Variants in BICRAL observed in about 807,000 individuals in gnomAD.
The protein encoded by BICRAL is BRD4-interacting chromatin-remodeling complex-associated protein-like.
Under a neutral mutation model 91.8 loss-of-function variants are expected in BICRAL, and 8 were observed. The observed-to-expected ratio is 0.09, with a 90% CI of 0.05 to 0.16. BICRAL has a LOEUF of 0.16. Ranked by LOEUF, BICRAL falls within the 10% of genes least tolerant of loss-of-function variation. The pLI, the probability that BICRAL is intolerant of heterozygous loss-of-function variation, is 1.00. For missense variants in BICRAL, 1,038 were observed against 1,310.9 expected, an observed-to-expected ratio of 0.79 and a Z score of 3.21; for synonymous variants, 445 against 491.1, an observed-to-expected ratio of 0.91 and a Z score of 1.24.
chr6:42,829,152 A>G lies in BICRAL; in HGVS notation c.819A>G (p.Pro273=). 1 of 1,614,124 alleles carries G rather than the reference A, an allele frequency of 6.2e-7. No individual in the cohort carries two copies. Residue 273 remains proline (P), a synonymous_variant, in exon 6 of 13, where the codon CCA becomes CCG. Coordinates refer to ENST00000314073, the MANE Select transcript of BICRAL (RefSeq NM_001393499.1). ...NSLFGNSSSS[P]VAQPVTVPFN... ...TGTTTGGGAACTCTAGTTCCAGTCC[A>G]GTAGCACAGCCTGTTACCGTTCCAT... is the stretch of plus-strand genomic sequence containing the variant.
chr6:42,755,313 G>C (rs1004055412), intron 1 of BICRAL, among the ~76,000 whole-genome samples: 15 of 152,120 alleles, frequency 9.9e-5, no homozygotes, highest in African/African-American at 3.4e-4. Context: ...AGGTCAGAGG[G>C]GAAAAGCTCA....
chr6:42,850,393 G>A (rs1967461), intron 6 of BICRAL, among the ~76,000 whole-genome samples: 53,264 of 151,484 alleles, frequency 0.35, 9,633 homozygotes, highest in South Asian at 0.48. Context: ...GGTGGTGGGC[G>A]CCTGTAATCC....
chr6:42,823,151 G>T, intron 5 of BICRAL, 148 bp downstream of exon 5: 2 of 569,330 alleles, frequency 3.5e-6, no homozygotes, highest in Non-Finnish European at 6.2e-6. Context: ...TTTGAGATGG[G>T]GCCTCACTCT....
intron 6 of BICRAL, among the ~76,000 whole-genome samples, chr6:42,851,725 C>G (rs957941736): frequency 6.6e-6 from 1 of 152,142 alleles, no homozygotes. Flanking sequence ...CACATAGGAG[C>G]TGATAGTCAG....
chr6:42,861,616 G>T (rs1442566926), intron 11 of BICRAL, among the ~76,000 whole-genome samples: 1 of 152,162 alleles, frequency 6.6e-6, no homozygotes, highest in African/African-American at 2.4e-5. Flanking sequence ...TTGGGAGATT[G>T]GTTGAGCTAT....
chr6:42,864,561 G>A, intron 12 of BICRAL, 98 bp from the exon 13 acceptor site: 1 of 895,582 alleles, frequency 1.1e-6, no homozygotes. Context: ...CTGTGAGTGG[G>A]GCTGGCTTTG....
rs770090505 is a variant in BICRAL at position 42,865,365 on chromosome 6, G to C, written c.3159G>C (p.Lys1053Asn). 1.9e-6 allele frequency: 3 copies of C among 1,613,808 alleles called. No homozygotes were observed. Among genetic ancestry groups the C allele is most frequent in the South Asian group, 1.1e-5 (1 of 91,078 alleles). Residue 1053 changes from lysine to asparagine, a missense_variant, in exon 13 of 13, where the codon AAG (lysine) becomes AAC (asparagine). By Grantham distance (94) the Lys-to-Asn change is moderately conservative. Transcript: ENST00000314073. ...PMASQENCLE[K>N]FIPDHSEGVV... ...CTTCACAGGAAAACTGCCTGGAAAA[G>C]TTCATCCCGGACCACAGTGAAGGTG...
At chr6:42,815,064 C>T (rs1005776456) in intron 2 of BICRAL, among the ~76,000 whole-genome samples, 1 of 151,584 alleles carries the variant, frequency 6.6e-6, no homozygotes, top group African/African-American at 2.4e-5. Context: ...CACGCACCAC[C>T]ACGCCTGGCT....
intron 1 of BICRAL, among the ~76,000 whole-genome samples, chr6:42,809,931 C>T (rs942226317): frequency 1.3e-5 from 2 of 152,058 alleles, no homozygotes; most frequent in African/African-American, 4.8e-5. Flanking sequence ...AGATTATAGG[C>T]GTGTGCCACC....
chr6:42,752,172 G>A (rs1762390827), intron 1 of BICRAL, among the ~76,000 whole-genome samples: 1 of 152,228 alleles, frequency 6.6e-6, no homozygotes, highest in African/African-American at 2.4e-5. Flanking sequence ...TTGGGAAGCA[G>A]GACAGGAGCA....
rs181222106 is a variant in BICRAL at position 42,855,099 on chromosome 6, T to A, written c.2047-757T>A. 2.1e-3 allele frequency among the ~76,000 whole-genome samples: 325 copies of A among 152,322 alleles called. 1 individual carries two copies. Among genetic ancestry groups the A allele is most frequent in the African/African-American group, 7.6e-3 (314 of 41,574 alleles). On this transcript the variant is annotated intron_variant, in intron 8 of 12. Coordinates refer to ENST00000314073, the MANE Select transcript of BICRAL (RefSeq NM_001393499.1). ...AAGGTTCTGAGATAAGGCCTATTTG[T>A]TTCCTTAACATGATGTAAAAAATGC...
intron 6 of BICRAL, among the ~76,000 whole-genome samples, chr6:42,840,791 A>G (rs527979207): frequency 3.9e-5 from 6 of 151,956 alleles, no homozygotes; most frequent in African/African-American, 1.4e-4. Context: ...TATTGAGAGC[A>G]GGCAGGGCGC....
chr6:42,801,191 T>C (rs1198283601), intron 1 of BICRAL, among the ~76,000 whole-genome samples: 1 of 143,916 alleles, frequency 6.9e-6, no homozygotes, highest in Non-Finnish European at 1.5e-5. Context: ...GCAGAGTCTG[T>C]GGTGAGCCGA....
intron 6 of BICRAL, among the ~76,000 whole-genome samples, chr6:42,841,747 A>G (rs1764805179): frequency 6.6e-6 from 1 of 152,330 alleles, no homozygotes; most frequent in Middle Eastern, 3.4e-3. Flanking sequence ...ACTAACGAGG[A>G]CAGTGCTGGG....
chr6:42,752,479 C>A (rs1031566956), intron 1 of BICRAL, among the ~76,000 whole-genome samples: 2 of 152,180 alleles, frequency 1.3e-5, no homozygotes, highest in African/African-American at 2.4e-5. Flanking sequence ...GACTGGGTCT[C>A]TCTCTCACCC....
At position 42,794,371 on chromosome 6, in the gene BICRAL, GT is replaced by G. The variant is rs545109277; in HGVS notation, c.-102+12272del. Among the ~76,000 whole-genome samples, 162 of 151,704 alleles carry G rather than the reference GT, an allele frequency of 1.1e-3. 1 individual carries two copies. Among genetic ancestry groups the G allele is most frequent in the African/African-American group, 3.5e-3 (144 of 41,362 alleles). ...AACTTAGAAATGCAGAACATATTCTGTTACATAAAATACTTAATGCCGGACA... is the reference window on the plus strand; with the variant it reads ...AACTTAGAAATGCAGAACATATTCTGTACATAAAATACTTAATGCCGGACA... On this transcript the variant is annotated intron_variant, in intron 1 of 12. Coordinates refer to ENST00000314073, the MANE Select transcript of BICRAL (RefSeq NM_001393499.1).
intron 1 of BICRAL, among the ~76,000 whole-genome samples, chr6:42,775,471 TAGGAGAGTTAAAG>T (rs1438191415): frequency 3.9e-5 from 6 of 152,264 alleles, no homozygotes; most frequent in African/African-American, 1.4e-4. Context: ...ATGCTCTATT[TAGGAGAGTTAAAG>T]AGTTCTGATA....
intron 2 of BICRAL, among the ~76,000 whole-genome samples, chr6:42,812,255 A>G (rs1763861474): frequency 6.6e-6 from 1 of 152,050 alleles, no homozygotes. Flanking sequence ...GGCCAGGAGT[A>G]TGAGACCAGC....
intron 1 of BICRAL, among the ~76,000 whole-genome samples, chr6:42,749,485 C>G (rs996816493): frequency 2.0e-5 from 3 of 152,014 alleles, no homozygotes; most frequent in Non-Finnish European, 2.9e-5. Context: ...TAGCCTAATT[C>G]GAGTTAACAA....
Sources: allele counts gnomAD v4.1 joint callset (sites outside exome capture counted in the v4.1 genomes callset), GRCh38; gene constraint gnomAD v4.1.1; transcripts MANE v1.5; gene names NCBI Gene and HGNC (gene_info 2026-07-23, HGNC 2026-07-21).